Variants in AGK observed in about 807,000 individuals in gnomAD.
AGK encodes the protein acylglycerol kinase, mitochondrial.
In AGK, 52 loss-of-function variants were observed where a neutral mutation model predicts 66.4. That is an observed-to-expected ratio of 0.78 (90% CI 0.63 to 0.99). The LOEUF is 0.99. Ranked by LOEUF, AGK falls within the 50% of genes least tolerant of loss-of-function variation. The pLI is 0.00. For synonymous variants in AGK, 182 were observed against 181.1 expected (o/e 1.00, Z -0.04); for missense variants, 451 against 506.6 (o/e 0.89, Z 1.05).
chr7:141,554,241 G>C (rs1795160505), intron 1 of AGK, among the ~76,000 whole-genome samples: 1 of 151,890 alleles, frequency 6.6e-6, no homozygotes, highest in Non-Finnish European at 1.5e-5. Flanking sequence ...CAGCTACTTG[G>C]GAGGCTGAGG....
chr7:141,621,859 A>ATTTTCTTTAACATGT, intron 9 of AGK, 58 bp downstream of exon 9: 2 of 1,276,124 alleles, frequency 1.6e-6, no homozygotes, highest in Non-Finnish European at 2.3e-6. Flanking sequence ...CTTACATGTT[A>ATTTTCTTTAACATGT]AAGAAAATAA....
At chr7:141,620,527 A>C (rs79246308) in intron 8 of AGK, among the ~76,000 whole-genome samples, 1 of 63,774 alleles carries the variant, frequency 1.6e-5, no homozygotes, top group South Asian at 5.1e-4. Flanking sequence ...TTGGAGAGAC[A>C]GGGGAATACA....
chr7:141,645,182 G>A (rs1393072330), intron 13 of AGK, among the ~76,000 whole-genome samples: 1 of 152,050 alleles, frequency 6.6e-6, no homozygotes, highest in Non-Finnish European at 1.5e-5. Flanking sequence ...TCTAGCATAT[G>A]AACGGGGTAT....
At chr7:141,604,372 G>GTATATATATA (rs1436838520) in intron 5 of AGK, among the ~76,000 whole-genome samples, 19 of 58,394 alleles carry the variant, frequency 3.3e-4, no homozygotes, top group African/African-American at 1.1e-3. Context: ...GTGTGTGTGT[G>GTATATATATA]TGTATATATA....
Position 141,577,911 on chromosome 7 carries a change from C to G in AGK, c.102-15235C>G, listed in dbSNP as rs528870352. 9.3e-5 allele frequency among the ~76,000 whole-genome samples: 14 copies of G among 151,240 alleles called. No individual in the cohort carries two copies. The East Asian group carries it at 2.5e-3, about 27-fold the overall frequency. ...TCTGCTCACTGCAACCTCCCAGGTT[C>G]AAGCAATTCTCCTGCATCAGCCTCT... On this transcript the variant is annotated intron_variant, in intron 2 of 15. Transcript: ENST00000649286.
intron 2 of AGK, among the ~76,000 whole-genome samples, chr7:141,561,873 C>G (rs1795358555): frequency 6.6e-6 from 1 of 152,152 alleles, no homozygotes. Context: ...GTGGTGCTCT[C>G]CTGCTCCTCC....
chr7:141,589,958 T>A (rs1796074907), intron 2 of AGK, among the ~76,000 whole-genome samples: 2 of 152,236 alleles, frequency 1.3e-5, no homozygotes, highest in Non-Finnish European at 2.9e-5. Context: ...ATATTCCATT[T>A]GGCACATTAA....
intron 8 of AGK, among the ~76,000 whole-genome samples, chr7:141,618,295 C>T (rs1038275230): frequency 2.6e-5 from 4 of 152,152 alleles, no homozygotes; most frequent in Admixed American, 2.6e-4. Flanking sequence ...GTTAGCACAT[C>T]TTTGGAGACA....
intron 15 of AGK, 123 bp downstream of exon 15, chr7:141,651,732 A>G: frequency 1.1e-6 from 1 of 915,562 alleles, no homozygotes; most frequent in Non-Finnish European, 1.7e-6. Context: ...TTGTGTGCCA[A>G]GCATTTTGCC....
chr7:141,615,130 A>G (rs112925889), intron 7 of AGK, among the ~76,000 whole-genome samples: 3 of 152,380 alleles, frequency 2.0e-5, no homozygotes, highest in African/African-American at 4.8e-5. Flanking sequence ...CTGCAACTTT[A>G]TCAAATAGTG....
At chr7:141,570,323 G>T (rs1195767912) in intron 2 of AGK, among the ~76,000 whole-genome samples, 1 of 152,054 alleles carries the variant, frequency 6.6e-6, no homozygotes, top group Non-Finnish European at 1.5e-5. Context: ...GGAGGCGGAG[G>T]TTGCAGTGAG....
chr7:141,590,787 TTTGA>T (rs947555697), intron 2 of AGK, among the ~76,000 whole-genome samples: 8 of 152,112 alleles, frequency 5.3e-5, no homozygotes, highest in Admixed American at 2.0e-4. Context: ...AGTGAGAGCA[TTTGA>T]TTGGGAGGGA....
Position 141,608,767 on chromosome 7 carries a change from C to T in AGK, c.298-2428C>T, listed in dbSNP as rs115037437. Among the ~76,000 whole-genome samples the T allele has an allele frequency of 5.0e-3, 767 of 152,302 alleles. 8 individuals carry two copies. Among genetic ancestry groups the T allele is most frequent in the African/African-American group, 0.018 (749 of 41,558 alleles). ...AGCATGTTGTTTCCACATGTCTTCACCTTGTCCACAGGGATATCATAAAGT... is the reference window on the plus strand; with the variant it reads ...AGCATGTTGTTTCCACATGTCTTCATCTTGTCCACAGGGATATCATAAAGT... On this transcript the variant is annotated intron_variant, in intron 5 of 15. Transcript: ENST00000649286.
At chr7:141,585,190 C>A (rs906927273) in intron 2 of AGK, among the ~76,000 whole-genome samples, 1 of 152,200 alleles carries the variant, frequency 6.6e-6, no homozygotes, top group Non-Finnish European at 1.5e-5. Flanking sequence ...ATCAAGCATT[C>A]TTCCTTAGCA....
rs1190280354 is a variant in AGK, at chr7:141,654,607, A to T, written c.*1683A>T. On this transcript the variant is annotated 3_prime_UTR_variant, in exon 16 of 16. Transcript: ENST00000649286. ...GTCATTAGCACCATTTACTTTTACT[A>T]TCGCTGACATTTTCCTTTGTTCAGT... The T allele has an allele frequency of 6.6e-6, 1 of 152,176 alleles. No homozygotes were observed. Among genetic ancestry groups the T allele is most frequent in the Non-Finnish European group, 1.5e-5 (1 of 68,050 alleles). The allele number at this position is 152,176 out of a possible 1,614,324, so 9.4% of individuals were successfully genotyped here.
chr7:141,601,361 A>G (rs1338141037), intron 5 of AGK, 81 bp downstream of exon 5: 3 of 1,107,330 alleles, frequency 2.7e-6, no homozygotes, highest in East Asian at 4.8e-5. Context: ...CTTAGCAAAA[A>G]TTGCTTGTCA....
intron 4 of AGK, 65 bp downstream of exon 4, chr7:141,596,706 C>G: frequency 7.1e-7 from 1 of 1,402,550 alleles, no homozygotes; most frequent in Non-Finnish European, 1.0e-6. Flanking sequence ...CACAGACTAT[C>G]AGGCAGCTAG....
rs184806486 is a variant in AGK at position 141,577,796 on chromosome 7, C to T, written c.102-15350C>T. On this transcript the variant is annotated intron_variant, in intron 2 of 15. Coordinates refer to ENST00000649286, the MANE Select transcript of AGK (RefSeq NM_018238.4). ...TTCAAGTTGTCCTGCCCTTCCAGAT[C>T]GAATGCCCCAACATAAATCTTCTTT... Among the ~76,000 whole-genome samples the T allele has an allele frequency of 5.9e-3, 898 of 151,402 alleles. 2 individuals are homozygous for T. Among genetic ancestry groups the T allele is most frequent in the Middle Eastern group, 0.031 (9 of 292 alleles).
At chr7:141,596,415 G>A (rs937602920) in intron 3 of AGK, 147 bp from the exon 4 acceptor site, 15 of 624,334 alleles carry the variant, frequency 2.4e-5, no homozygotes, top group East Asian at 8.3e-5. Context: ...TGGTGTTTTC[G>A]TTAATATGAG....
Sources: gnomAD v4.1 joint callset for allele counts (sites outside exome capture counted in the v4.1 genomes callset) on GRCh38, gnomAD v4.1.1 for gene constraint, MANE v1.5 for transcripts, NCBI Gene and HGNC (gene_info 2026-07-23, HGNC 2026-07-21) for gene names.